AUTS2: variants seen among roughly 807,000 people sequenced by gnomAD.
AUTS2 encodes activator of transcription and developmental regulator AUTS2, also known as autism susceptibility gene 2 protein.
A neutral mutation model predicts 112.4 loss-of-function variants in AUTS2; 17 were observed. The ratio of observed to expected loss-of-function variants is 0.15; its 90% CI spans 0.10 to 0.23. The LOEUF is 0.23. Ranked by LOEUF, AUTS2 falls within the 10% of genes least tolerant of loss-of-function variation. AUTS2 has a pLI of 1.00. For synonymous variants in AUTS2, 751 were observed against 702.7 expected (o/e 1.07, Z -1.09); for missense variants, 1,510 against 1,701.6 (o/e 0.89, Z 1.98).
chr7:70,531,959 C>G (rs1397781861), intron 5 of AUTS2, among the ~76,000 whole-genome samples: 1 of 152,198 alleles, frequency 6.6e-6, no homozygotes, highest in Non-Finnish European at 1.5e-5. Context: ...TTCTGTCAGT[C>G]ATCTGTGGCC....
At chr7:69,983,630 C>T (rs1434273410) in intron 2 of AUTS2, among the ~76,000 whole-genome samples, 3 of 151,976 alleles carry the variant, frequency 2.0e-5, no homozygotes, top group Non-Finnish European at 4.4e-5. Flanking sequence ...TACGTGTTGC[C>T]TGTTAAATTG....
intron 1 of AUTS2, among the ~76,000 whole-genome samples, chr7:69,758,927 T>G (rs147086952): frequency 1.1e-4 from 17 of 152,186 alleles, no homozygotes; most frequent in Non-Finnish European, 1.9e-4. Context: ...GCCTAATGCC[T>G]GGAGCTAGGG....
intron 1 of AUTS2, among the ~76,000 whole-genome samples, chr7:69,799,282 G>GTCTA (rs1789978331): frequency 6.6e-6 from 1 of 152,104 alleles, no homozygotes; most frequent in Non-Finnish European, 1.5e-5. Context: ...GAACCTGGGA[G>GTCTA]TCTACGTTGT....
At chr7:70,028,409 A>G (rs984262852) in intron 2 of AUTS2, among the ~76,000 whole-genome samples, 3 of 152,206 alleles carry the variant, frequency 2.0e-5, no homozygotes, top group Non-Finnish European at 4.4e-5. Flanking sequence ...TCCCTTAGAA[A>G]GTGCTGTGCA....
At chr7:69,926,665 T>G (rs1796027875) in intron 2 of AUTS2, among the ~76,000 whole-genome samples, 1 of 148,766 alleles carries the variant, frequency 6.7e-6, no homozygotes, top group African/African-American at 2.4e-5. Flanking sequence ...TGAGAATGAA[T>G]AAAGTATTTA....
chr7:69,891,102 A>G (rs1584400192), intron 1 of AUTS2, among the ~76,000 whole-genome samples: 1 of 152,212 alleles, frequency 6.6e-6, no homozygotes, highest in African/African-American at 2.4e-5. Flanking sequence ...GAACATGTTC[A>G]CCCCAAAAGT....
intron 2 of AUTS2, 61 bp from the exon 3 acceptor site, chr7:70,118,071 A>C (rs183890000): frequency 6.5e-7 from 1 of 1,529,008 alleles, no homozygotes; most frequent in East Asian, 2.4e-5. Flanking sequence ...AAGGATCAAA[A>C]ACAGGAACTA....
In AUTS2 at chr7:70,642,079, A is replaced by G. The variant is rs975623295; in HGVS notation, c.691-56490A>G. 5.3e-5 allele frequency among the ~76,000 whole-genome samples: 8 copies of G among 152,234 alleles called. 1 individual carries two copies. Among genetic ancestry groups the G allele is most frequent in the Non-Finnish European group, 5.9e-5 (4 of 68,046 alleles). On this transcript the variant is annotated intron_variant, in intron 5 of 18. Transcript: ENST00000342771. The stretch of plus-strand genomic sequence containing the variant: ...GCGGTGCATGTAAGTTCTAATTTCC[A>G]GATGTCCTTGCCCACACTTGCTGTT...
chr7:70,644,781 G>A (rs1806059722), intron 5 of AUTS2, among the ~76,000 whole-genome samples: 1 of 152,132 alleles, frequency 6.6e-6, no homozygotes, highest in Non-Finnish European at 1.5e-5. Context: ...TTTATCCCCA[G>A]AAGTGCTGCA....
chr7:69,880,378 G>A (rs1178098689), intron 1 of AUTS2, among the ~76,000 whole-genome samples: 1 of 152,182 alleles, frequency 6.6e-6, no homozygotes, highest in Non-Finnish European at 1.5e-5. Flanking sequence ...AAAATGGATT[G>A]TTAATAGTAC....
intron 4 of AUTS2, among the ~76,000 whole-genome samples, chr7:70,278,905 C>T (rs1025813832): frequency 5.9e-5 from 9 of 152,116 alleles, no homozygotes; most frequent in Admixed American, 5.9e-4. Flanking sequence ...TACATTTCTA[C>T]TAAATAATGT....
chr7:69,924,174 T>TC (rs1313733659), intron 2 of AUTS2, among the ~76,000 whole-genome samples: 1 of 152,072 alleles, frequency 6.6e-6, no homozygotes, highest in Non-Finnish European at 1.5e-5. Context: ...CAAACACCTT[T>TC]TTTTTGTCTA....
intron 5 of AUTS2, among the ~76,000 whole-genome samples, chr7:70,584,439 T>C (rs1234373517): frequency 6.6e-6 from 1 of 152,276 alleles, no homozygotes; most frequent in African/African-American, 2.4e-5. Context: ...ATTCACGCTG[T>C]GACAGCTTGG....
At chr7:70,236,233 T>C (rs1812320261) in intron 4 of AUTS2, among the ~76,000 whole-genome samples, 1 of 152,234 alleles carries the variant, frequency 6.6e-6, no homozygotes, top group African/African-American at 2.4e-5. Context: ...TTTTAAAACA[T>C]GGGCATATTA....
chr7:70,791,068 C>G lies in AUTS2; in HGVS notation c.*72C>G. 7.2e-6 allele frequency: 10 copies of G among 1,394,936 alleles called. No individual in the cohort carries two copies. The highest frequency in any genetic ancestry group is 9.3e-6 in the Non-Finnish European group (10 of 1,074,986). 86.4% of individuals were successfully genotyped at this position (1,394,936 alleles called of 1,614,324 possible). ...ACCAGGCCAGGCTTGAGAGACAGAA[C>G]TCCTGCATGGCTCACACAGACTGGG... On this transcript the variant is annotated 3_prime_UTR_variant, in exon 19 of 19. Coordinates refer to ENST00000342771, the MANE Select transcript of AUTS2 (RefSeq NM_015570.4).
chr7:69,973,871 C>T (rs1174498588), intron 2 of AUTS2, among the ~76,000 whole-genome samples: 4 of 151,890 alleles, frequency 2.6e-5, no homozygotes, highest in African/African-American at 7.3e-5. Flanking sequence ...TCTGTACTTA[C>T]GAGAAATACT....
intron 5 of AUTS2, among the ~76,000 whole-genome samples, chr7:70,609,955 GTTTTTT>G (rs764373622): frequency 9.8e-6 from 1 of 101,640 alleles, no homozygotes. Flanking sequence ...TGGAAGTTCT[GTTTTTT>G]GTTGTTGTTG....
At chr7:69,602,649 G>A (rs929499836) in intron 1 of AUTS2, among the ~76,000 whole-genome samples, 2 of 151,926 alleles carry the variant, frequency 1.3e-5, no homozygotes, top group Non-Finnish European at 2.9e-5. Context: ...ACCAAAACCC[G>A]CACAGCAGTA....
chr7:70,627,873 T>C lies in AUTS2; in HGVS notation c.691-70696T>C, dbSNP rs138272879. 8.8e-3 allele frequency among the ~76,000 whole-genome samples: 1,335 copies of C among 152,304 alleles called. 11 individuals are homozygous for C. The highest frequency in any genetic ancestry group is 0.018 in the Admixed American group (269 of 15,288). ...TGGGATAAACGTGGTCAGGATGTCATGGGAGCTTCAAAGAAAGGAAACAGG... is the reference window on the plus strand; with the variant it reads ...TGGGATAAACGTGGTCAGGATGTCACGGGAGCTTCAAAGAAAGGAAACAGG... On this transcript the variant is annotated intron_variant, in intron 5 of 18. Coordinates refer to ENST00000342771, the MANE Select transcript of AUTS2 (RefSeq NM_015570.4).
Sources: allele counts gnomAD v4.1 joint callset (sites outside exome capture counted in the v4.1 genomes callset), GRCh38; gene constraint gnomAD v4.1.1; transcripts MANE v1.5; gene names NCBI Gene and HGNC (gene_info 2026-07-23, HGNC 2026-07-21).